The following GON4L variants were observed in gnomAD, a reference collection of about 807,000 sequenced individuals.
The protein encoded by GON4L is gon-4 like.
GON4L carries 87 observed loss-of-function variants against 211.8 expected under a neutral mutation model. That is an observed-to-expected ratio of 0.41 (90% CI 0.35 to 0.49). The LOEUF (loss-of-function observed/expected upper bound fraction) is 0.49, where lower values mean the gene tolerates loss of function less well. Ranked by LOEUF, GON4L falls within the 20% of genes least tolerant of loss-of-function variation. The probability of loss-of-function intolerance (pLI) is 0.15; values close to 1 mark genes in which losing one functional copy is unlikely to be tolerated. For missense variants in GON4L, 2,155 were observed against 2,659.5 expected (o/e 0.81, Z 4.17); for synonymous variants, 875 against 962.6 (o/e 0.91, Z 1.68).
intron 23 of GON4L, among the ~76,000 whole-genome samples, chr1:155,761,232 G>A (rs1661768897): frequency 6.8e-6 from 1 of 146,524 alleles, no homozygotes; most frequent in South Asian, 2.2e-4. Flanking sequence ...CCAGGATGGA[G>A]TGCACTGATG....
intron 15 of GON4L, 43 bp from the exon 16 acceptor site, chr1:155,776,524 T>C: frequency 7.1e-7 from 1 of 1,400,802 alleles, no homozygotes; most frequent in Non-Finnish European, 1.0e-6. Context: ...GTTACCACAT[T>C]GTCATTTCAG....
intron 2 of GON4L, among the ~76,000 whole-genome samples, chr1:155,829,708 C>T (rs1669567403): frequency 6.6e-6 from 1 of 152,204 alleles, no homozygotes; most frequent in African/African-American, 2.4e-5. Flanking sequence ...CAGATATGCT[C>T]TGAATAAGGT....
Position 155,814,387 on chromosome 1 carries a change from T to C in GON4L, c.1224A>G (p.Arg408=). 1 of 1,613,226 alleles carries C rather than the reference T, an allele frequency of 6.2e-7. No individual in the cohort carries two copies. Among genetic ancestry groups the C allele is most frequent in the Non-Finnish European group, 8.5e-7 (1 of 1,179,176 alleles). The stretch of plus-strand genomic sequence containing the variant: ...CAGTCATCTCAGAAGACTGCCTCAA[T>C]CTGGATTTCTTTGCCCCACGTGGAG... ...ASSPRGAKKS[R]LRQSSEMTET... is the part of the protein sequence containing the mutation. The change falls in exon 9 of 32, where the codon AGA becomes AGG. Residue 408 remains arginine (R), a synonymous_variant. Coordinates refer to ENST00000368331, the MANE Select transcript of GON4L (RefSeq NM_001282860.2).
intron 2 of GON4L, among the ~76,000 whole-genome samples, chr1:155,836,772 A>G (rs560849040): frequency 6.6e-6 from 1 of 152,286 alleles, no homozygotes; most frequent in South Asian, 2.1e-4. Flanking sequence ...TCTAATGACC[A>G]GTCATTTTAC....
chr1:155,775,607 C>T (rs1448275825), intron 16 of GON4L, among the ~76,000 whole-genome samples: 8 of 151,620 alleles, frequency 5.3e-5, no homozygotes, highest in East Asian at 3.9e-4. Context: ...TACAGGCGCC[C>T]GCTACCACGC....
chr1:155,761,493 GTTCA>G (rs1216065302), intron 23 of GON4L, among the ~76,000 whole-genome samples: 1 of 148,028 alleles, frequency 6.8e-6, no homozygotes, highest in Non-Finnish European at 1.5e-5. Flanking sequence ...GCCCAGCCTG[GTTCA>G]TTTTTTTTTT....
At chr1:155,784,253 C>A in intron 13 of GON4L, 164 bp from the exon 14 acceptor site, 1 of 930,416 alleles carries the variant, frequency 1.1e-6, no homozygotes, top group Non-Finnish European at 1.6e-6. Context: ...TCCCACAAAC[C>A]CACACTTGGG....
At position 155,781,743 on chromosome 1, in the gene GON4L, G is replaced by A. The variant is rs889945589; in HGVS notation, c.1892+2243C>T. On this transcript the variant is annotated intron_variant, in intron 14 of 31. Transcript: ENST00000368331. The stretch of plus-strand genomic sequence containing the variant: ...CCCAAAATGCTGGGATTACTGGCGT[G>A]AGCCACCGCACCCGGCCTATTATTA... 5.3e-5 allele frequency among the ~76,000 whole-genome samples: 8 copies of A among 151,860 alleles called. 1 individual carries two copies. The highest frequency in any genetic ancestry group is 1.9e-4 in the African/African-American group (8 of 41,346).
rs1208835822 is a variant in GON4L, at chr1:155,853,588, G to A, written c.193C>T (p.Gln65Ter). 6.2e-7 allele frequency: 1 copy of A among 1,614,030 alleles called. No homozygotes were observed. Among genetic ancestry groups the A allele is most frequent in the South Asian group, 1.1e-5 (1 of 91,082 alleles). The part of the protein sequence containing the change: ...RVAGFEVQSL[Q>*]DAGNQLGMED... ...ATACCAAGCTGATTTCCTGCATCCT[G>A]CAAAGACTGTACTTCGAAGCCAGCT... The change falls in exon 2 of 32, where the codon CAG (glutamine) becomes TAG (stop). Residue 65 changes from glutamine (Q) to a stop codon, truncating the protein, a stop_gained. Coordinates refer to ENST00000368331, the MANE Select transcript of GON4L (RefSeq NM_001282860.2). LOFTEE classifies it high-confidence loss of function.
At chr1:155,775,225 C>T (rs1663658121) in intron 16 of GON4L, 52 bp from the exon 17 acceptor site, 1 of 1,610,980 alleles carries the variant, frequency 6.2e-7, no homozygotes, top group East Asian at 2.2e-5. Context: ...ACAATTAATA[C>T]CAGTAGCCTT....
intron 11 of GON4L, among the ~76,000 whole-genome samples, chr1:155,797,672 C>A (rs536716518): frequency 1.3e-5 from 2 of 149,418 alleles, no homozygotes; most frequent in Admixed American, 1.3e-4. Context: ...GGTGAGACCC[C>A]CCCCCTCCCG....
intron 8 of GON4L, among the ~76,000 whole-genome samples, chr1:155,815,096 G>C (rs1331823975): frequency 6.6e-6 from 1 of 151,862 alleles, no homozygotes; most frequent in East Asian, 1.9e-4. Context: ...GGCAACAGAG[G>C]AGACTCAAAA....
intron 2 of GON4L, among the ~76,000 whole-genome samples, chr1:155,839,428 C>T (rs1479022590): frequency 4.6e-5 from 7 of 152,076 alleles, no homozygotes; most frequent in Non-Finnish European, 8.8e-5. Context: ...GTGGGTGGAT[C>T]ACTTGAGGTT....
chr1:155,764,239 T>C (rs370046180), intron 21 of GON4L, among the ~76,000 whole-genome samples: 140 of 150,792 alleles, frequency 9.3e-4, no homozygotes, highest in African/African-American at 3.2e-3. Context: ...CTGCCTCAAC[T>C]TCCTGAGTAG....
intron 21 of GON4L, 145 bp downstream of exon 21, chr1:155,764,855 C>A (rs1403757073): frequency 1.3e-6 from 2 of 1,564,532 alleles, no homozygotes; most frequent in Admixed American, 3.3e-5. Context: ...CTCAACTCCA[C>A]AATCATGTCC....
rs1224806183 is a variant in GON4L, at chr1:155,816,207, T to C, written c.1065+5A>G. The C allele has an allele frequency of 1.5e-6, 2 of 1,312,446 alleles. No individual in the cohort carries two copies. The highest frequency in any genetic ancestry group is 4.6e-5 in the East Asian group (2 of 43,466). The allele number at this position is 1,312,446 out of a possible 1,614,324, so 81.3% of individuals were successfully genotyped here. On this transcript the variant is annotated splice_donor_5th_base_variant and intron_variant, in intron 7 of 31. Transcript: ENST00000368331. The stretch of plus-strand genomic sequence containing the variant: ...AAGAATAACAATTATTTCTTCCAAG[T>C]TTACCTTAATTTCATTGGCCTTCTT...
At chr1:155,769,410 A>G (rs902837390) in intron 19 of GON4L, among the ~76,000 whole-genome samples, 20 of 152,238 alleles carry the variant, frequency 1.3e-4, no homozygotes, top group African/African-American at 4.8e-4. Flanking sequence ...TAAGAGGCAA[A>G]AAGAATTCCC....
chr1:155,848,749 C>G (rs1467562091), intron 2 of GON4L, among the ~76,000 whole-genome samples: 1 of 151,980 alleles, frequency 6.6e-6, no homozygotes, highest in Non-Finnish European at 1.5e-5. Flanking sequence ...AACCAAAACT[C>G]AGAACAAAGG....
At chr1:155,750,787 G>C in intron 31 of GON4L, 54 bp from the exon 32 acceptor site, 1 of 1,509,236 alleles carries the variant, frequency 6.6e-7, no homozygotes, top group South Asian at 1.2e-5. Context: ...TTTTTGAGAC[G>C]GAGTCTCTCT....
Sources: gnomAD v4.1 joint callset for allele counts (sites outside exome capture counted in the v4.1 genomes callset) on GRCh38, gnomAD v4.1.1 for gene constraint, MANE v1.5 for transcripts, NCBI Gene and HGNC (gene_info 2026-07-23, HGNC 2026-07-21) for gene names.